CACNA1C: variants seen among roughly 807,000 people sequenced by gnomAD.
CACNA1C encodes the protein voltage-dependent L-type calcium channel subunit alpha-1C.
In CACNA1C, 30 loss-of-function variants were observed where a neutral mutation model predicts 229.0. The observed-to-expected ratio is 0.13, with a 90% CI of 0.10 to 0.18. CACNA1C has a LOEUF of 0.18. Among genes scored for constraint, CACNA1C ranks in the 10% least tolerant of loss-of-function variants. The pLI, the probability that CACNA1C is intolerant of heterozygous loss-of-function variation, is 1.00. For missense variants in CACNA1C, 1,658 were observed against 2,845.0 expected (o/e 0.58, Z 9.49); for synonymous variants, 1,114 against 1,132.5 (o/e 0.98, Z 0.33).
intron 3 of CACNA1C, among the ~76,000 whole-genome samples, chr12:2,318,823 C>T (rs1268279616): frequency 3.5e-5 from 5 of 144,418 alleles, no homozygotes; most frequent in Admixed American, 6.9e-5. Context: ...ACAGGGAGTG[C>T]GGGGCTAGAG....
At chr12:1,997,083 T>C (rs1183906199) in intron 1 of CACNA1C, among the ~76,000 whole-genome samples, 1 of 150,050 alleles carries the variant, frequency 6.7e-6, no homozygotes, top group African/African-American at 2.4e-5. Flanking sequence ...TATGCACTCG[T>C]AATTTGATAT....
intron 29 of CACNA1C, among the ~76,000 whole-genome samples, chr12:2,625,875 T>C (rs2086191420): frequency 6.6e-6 from 1 of 152,126 alleles, no homozygotes; most frequent in Non-Finnish European, 1.5e-5. Context: ...AGAGGATCTC[T>C]TGTGCCCAGG....
At chr12:2,434,767 G>A (rs2154559198) in intron 3 of CACNA1C, among the ~76,000 whole-genome samples, 1 of 152,220 alleles carries the variant, frequency 6.6e-6, no homozygotes, top group Non-Finnish European at 1.5e-5. Flanking sequence ...ACGTTTGATA[G>A]TCCCCGTCAG....
rs1016231517 is a variant in CACNA1C at position 2,639,313 on chromosome 12, T to A, written c.3912+4933T>A. Among the ~76,000 whole-genome samples the A allele has an allele frequency of 6.6e-6, 1 of 152,232 alleles. No homozygotes were observed. The highest frequency in any genetic ancestry group is 1.5e-5 in the Non-Finnish European group (1 of 68,032). Reference sequence around the variant, plus strand: ...AATCATATTTTCCTGTGATTGTTCGTGAAAGTTACTACAGCACCAGAAACT... The same window carrying A: ...AATCATATTTTCCTGTGATTGTTCGAGAAAGTTACTACAGCACCAGAAACT... On this transcript the variant is annotated intron_variant, in intron 30 of 46. Coordinates refer to ENST00000399655, the MANE Select transcript of CACNA1C (RefSeq NM_000719.7). The surrounding 1 kb of genome is among the most constrained non-coding windows in gnomAD (Gnocchi z 4.2).
At chr12:2,662,901 C>CAATA (rs1281457146) in intron 34 of CACNA1C, among the ~76,000 whole-genome samples, 1 of 152,136 alleles carries the variant, frequency 6.6e-6, no homozygotes, top group Non-Finnish European at 1.5e-5. Context: ...ATGTACTATT[C>CAATA]AATAAATAGT....
chr12:2,235,341 G>A (rs1208851173), intron 3 of CACNA1C, among the ~76,000 whole-genome samples: 1 of 152,166 alleles, frequency 6.6e-6, no homozygotes, highest in Middle Eastern at 3.2e-3. Flanking sequence ...TTCAGCCGGG[G>A]TCCAACACAG....
chr12:2,263,700 G>A (rs974872277), intron 3 of CACNA1C, among the ~76,000 whole-genome samples: 4 of 152,036 alleles, frequency 2.6e-5, no homozygotes, highest in African/African-American at 7.2e-5. Context: ...GACCGGACAT[G>A]AGGTATGAAC....
intron 3 of CACNA1C, among the ~76,000 whole-genome samples, chr12:2,199,496 C>T (rs1312085125): frequency 1.3e-5 from 2 of 152,140 alleles, no homozygotes. Context: ...AAGAATATAA[C>T]ATAAAATATA....
At chr12:2,234,369 C>G (rs1386914208) in intron 3 of CACNA1C, among the ~76,000 whole-genome samples, 1 of 152,182 alleles carries the variant, frequency 6.6e-6, no homozygotes. Context: ...GAAGGGAACA[C>G]TCAAGCTGTG....
chr12:2,353,315 C>G (rs1046712084), intron 3 of CACNA1C, among the ~76,000 whole-genome samples: 31 of 152,202 alleles, frequency 2.0e-4, no homozygotes, highest in African/African-American at 3.9e-4. Flanking sequence ...GTGAGCCCCC[C>G]CTGGTGCTGG....
intron 3 of CACNA1C, among the ~76,000 whole-genome samples, chr12:2,330,032 A>T (rs1305488933): frequency 6.6e-6 from 1 of 152,218 alleles, no homozygotes; most frequent in Non-Finnish European, 1.5e-5. Flanking sequence ...CAGTGTGGTG[A>T]AGAAGGCCAC....
At chr12:2,151,841 T>A (rs1311804760) in intron 3 of CACNA1C, among the ~76,000 whole-genome samples, 1 of 152,120 alleles carries the variant, frequency 6.6e-6, no homozygotes, top group Non-Finnish European at 1.5e-5. Context: ...CACGGGTGGA[T>A]GAGCCAAGGG....
At chr12:2,400,869 T>C (rs1405934313) in intron 3 of CACNA1C, among the ~76,000 whole-genome samples, 6 of 152,202 alleles carry the variant, frequency 3.9e-5, no homozygotes, top group Non-Finnish European at 5.9e-5. Flanking sequence ...CTATTGTTAC[T>C]GCTTCCTTCC....
At chr12:2,393,990 G>T (rs2098530275) in intron 3 of CACNA1C, among the ~76,000 whole-genome samples, 1 of 151,972 alleles carries the variant, frequency 6.6e-6, no homozygotes, top group South Asian at 2.1e-4. Context: ...TGGGCCTGTA[G>T]TCCCAGCTAC....
intron 1 of CACNA1C, among the ~76,000 whole-genome samples, chr12:2,007,336 G>A (rs1043023325): frequency 1.5e-4 from 23 of 152,278 alleles, no homozygotes; most frequent in African/African-American, 5.1e-4. Flanking sequence ...TCCAAAGAAC[G>A]AATTGCTTTG....
intron 16 of CACNA1C, among the ~76,000 whole-genome samples, chr12:2,584,860 T>C (rs567370983): frequency 3.3e-5 from 5 of 152,196 alleles, no homozygotes; most frequent in Non-Finnish European, 7.3e-5. Context: ...GCTGGGATTA[T>C]CTTTTGAGAA....
intron 3 of CACNA1C, among the ~76,000 whole-genome samples, chr12:2,306,765 G>C (rs1334936819): frequency 3.3e-5 from 5 of 152,212 alleles, no homozygotes; most frequent in African/African-American, 7.2e-5. Flanking sequence ...TGTGCCACAG[G>C]ATTTCTCAGG....
rs117741364 is a variant in CACNA1C at position 2,641,090 on chromosome 12, T to C, written c.3912+6710T>C. ...AAAGGCAAGGCTGAGTGCCCCCCAC[T>C]GCCCATAGCTGTGATGAGGAAGGAG... On this transcript the variant is annotated intron_variant, in intron 30 of 46. Transcript: ENST00000399655. 4.5e-4 allele frequency among the ~76,000 whole-genome samples: 68 copies of C among 152,318 alleles called. No homozygotes were observed. The East Asian group carries it at 0.011, about 24-fold the overall frequency.
At chr12:2,461,760 C>T (rs1459318593) in intron 5 of CACNA1C, among the ~76,000 whole-genome samples, 2 of 152,166 alleles carry the variant, frequency 1.3e-5, no homozygotes, top group African/African-American at 2.4e-5. Flanking sequence ...TACAATCCAT[C>T]AGAAAATCCT....
Sources: gnomAD v4.1 joint callset for allele counts (sites outside exome capture counted in the v4.1 genomes callset) on GRCh38, gnomAD v4.1.1 for gene constraint, Gnocchi (gnomAD v3.1) non-coding constraint, MANE v1.5 for transcripts, NCBI Gene and HGNC (gene_info 2026-07-23, HGNC 2026-07-21) for gene names.